CERT1: variants seen among roughly 807,000 people sequenced by gnomAD.
CERT1 encodes the protein ceramide transfer protein.
In CERT1, 31 loss-of-function variants were observed where a neutral mutation model predicts 87.9. The ratio of observed to expected loss-of-function variants is 0.35; its 90% CI spans 0.27 to 0.48. The LOEUF is 0.48. Ranked by LOEUF, CERT1 falls within the 20% of genes least tolerant of loss-of-function variation. The probability of loss-of-function intolerance (pLI) is 0.99; values close to 1 mark genes in which losing one functional copy is unlikely to be tolerated. For synonymous variants in CERT1, 289 were observed against 250.9 expected (o/e 1.15, Z -1.44); for missense variants, 487 against 758.0 (o/e 0.64, Z 4.20).
At chr5:75,508,278 T>C (rs894677932) in intron 1 of CERT1, among the ~76,000 whole-genome samples, 2 of 129,440 alleles carry the variant, frequency 1.5e-5, no homozygotes, top group Non-Finnish European at 3.5e-5. Context: ...TCTCTTAGAG[T>C]TAAGTTTAAA....
intron 2 of CERT1, among the ~76,000 whole-genome samples, chr5:75,486,377 C>A (rs1744477075): frequency 6.6e-6 from 1 of 152,020 alleles, no homozygotes; most frequent in African/African-American, 2.4e-5. Context: ...ACAACAGACC[C>A]ATGGCCTGTA....
At chr5:75,370,952 CAAA>C (rs373729532) in intron 17 of CERT1, 59 of 97,234 alleles carry the variant, frequency 6.1e-4, no homozygotes, top group East Asian at 1.1e-3. Context: ...ACTCTGTCTC[CAAA>C]AAAAAAAAAA....
At chr5:75,396,194 T>A (rs902350289) in intron 11 of CERT1, among the ~76,000 whole-genome samples, 1 of 152,212 alleles carries the variant, frequency 6.6e-6, no homozygotes, top group Non-Finnish European at 1.5e-5. Context: ...GGCTTCTGTA[T>A]GGGAGCTGAT....
chr5:75,387,422 T>A (rs1761837360), intron 12 of CERT1, among the ~76,000 whole-genome samples: 1 of 152,046 alleles, frequency 6.6e-6, no homozygotes, highest in Admixed American at 6.6e-5. Flanking sequence ...TCCAGTTTCT[T>A]CCCTATCAGC....
At position 75,385,956 on chromosome 5, in the gene CERT1, C is replaced by T; in HGVS notation, c.1363G>A (p.Gly455Arg). Residue 455 changes from glycine (G) to arginine (R), a missense_variant, in exon 13 of 17, where the codon GGA becomes AGA. Gly to Arg is a moderately radical substitution (Grantham distance 125). This residue lies in a region of CERT1 where 147 missense variants were observed against 200.8 expected (regional missense o/e 0.73). Transcript: ENST00000643780. Reference protein sequence around the residue: ...KATHAVKGVTGHEVCNYFWNV... With the variant: ...KATHAVKGVTRHEVCNYFWNV... ...CAGAAATAATTGCAGACTTCATGTCCTGTGACGCCTTTAACTGCATGGGTA... is the reference window on the plus strand; with the variant it reads ...CAGAAATAATTGCAGACTTCATGTCTTGTGACGCCTTTAACTGCATGGGTA... The T allele has an allele frequency of 1.9e-6, 3 of 1,594,126 alleles. No homozygotes were observed. Among genetic ancestry groups the T allele is most frequent in the Non-Finnish European group, 2.6e-6 (3 of 1,170,138 alleles).
rs554029691 is a variant in CERT1, at chr5:75,382,870, G to A, written c.1489-793C>T. On this transcript the variant is annotated intron_variant, in intron 14 of 16. Coordinates refer to ENST00000643780, the MANE Select transcript of CERT1 (RefSeq NM_001379029.1). ...AATATAGTGTTGGGTAAATTGTGTG[G>A]AGACAGTAAGTAATACATGAAGATT... 2.4e-4 allele frequency among the ~76,000 whole-genome samples: 37 copies of A among 151,900 alleles called. No homozygotes were observed. In the South Asian group the frequency reaches 2.7e-3, roughly 11 times the overall value.
At chr5:75,475,154 C>T (rs1225414775) in intron 2 of CERT1, among the ~76,000 whole-genome samples, 1 of 152,080 alleles carries the variant, frequency 6.6e-6, no homozygotes, top group African/African-American at 2.4e-5. Context: ...TACGATGCTT[C>T]TAAGAGATTT....
chr5:75,503,104 AT>A (rs1327804246), intron 2 of CERT1, among the ~76,000 whole-genome samples: 1 of 152,036 alleles, frequency 6.6e-6, no homozygotes, highest in African/African-American at 2.4e-5. Flanking sequence ...CAGATAAAGA[AT>A]ATTGTTTTTA....
rs1761572896 is a variant in CERT1 at position 75,381,253 on chromosome 5, C to G, written c.1618-52G>C. ...GTAGATACCCAGTATTTTGTAAACT[C>G]TGCTGGTCTAATATTATATTAGGTT... On this transcript the variant is annotated intron_variant, in intron 15 of 16. Transcript: ENST00000643780. 4 of 1,605,394 alleles carry G rather than the reference C, an allele frequency of 2.5e-6. No homozygotes were observed. The Admixed American group carries it at 5.0e-5, about 20-fold the overall frequency.
chr5:75,421,467 T>C (rs1763376095), intron 5 of CERT1, among the ~76,000 whole-genome samples: 1 of 152,238 alleles, frequency 6.6e-6, no homozygotes, highest in African/African-American at 2.4e-5. Context: ...TCTACCTGGC[T>C]GTGATCTCAA....
At chr5:75,488,528 ATTTTAAG>A (rs963247553) in intron 2 of CERT1, among the ~76,000 whole-genome samples, 5 of 152,124 alleles carry the variant, frequency 3.3e-5, no homozygotes, top group Admixed American at 6.5e-5. Flanking sequence ...TAAACTGTAA[ATTTTAAG>A]TTTTAATTTT....
intron 17 of CERT1, chr5:75,372,563 A>G (rs2111947794): frequency 6.6e-6 from 1 of 152,334 alleles, no homozygotes; most frequent in African/African-American, 2.4e-5. Context: ...CATCATTTAC[A>G]GAAAGGTAAA....
chr5:75,491,815 G>T (rs148601372), intron 2 of CERT1, among the ~76,000 whole-genome samples: 1 of 152,072 alleles, frequency 6.6e-6, no homozygotes, highest in East Asian at 1.9e-4. Flanking sequence ...TTTGGGATGC[G>T]GCTTACCACA....
At chr5:75,467,097 T>C (rs1466059752) in intron 2 of CERT1, among the ~76,000 whole-genome samples, 1 of 152,134 alleles carries the variant, frequency 6.6e-6, no homozygotes, top group African/African-American at 2.4e-5. Context: ...ATGCCTAAAC[T>C]GTGGTACAGA....
intron 5 of CERT1, among the ~76,000 whole-genome samples, chr5:75,423,413 C>T (rs182660266): frequency 6.6e-6 from 1 of 151,532 alleles, no homozygotes; most frequent in African/African-American, 2.4e-5. Context: ...ATTAACGAAC[C>T]AAAACCTTTA....
intron 1 of CERT1, among the ~76,000 whole-genome samples, chr5:75,509,555 T>G (rs970910252): frequency 8.5e-5 from 13 of 152,176 alleles, no homozygotes; most frequent in African/African-American, 2.9e-4. Context: ...TCGAGATTGG[T>G]CTTCCATTTT....
chr5:75,400,324 G>C, intron 9 of CERT1, 27 bp from the exon 10 acceptor site: 1 of 1,524,030 alleles, frequency 6.6e-7, no homozygotes, highest in Middle Eastern at 1.7e-4. Context: ...TATTAAGATG[G>C]GAAGGTTTTA....
intron 2 of CERT1, among the ~76,000 whole-genome samples, chr5:75,496,114 A>G (rs1291803206): frequency 6.6e-6 from 1 of 152,070 alleles, no homozygotes; most frequent in Non-Finnish European, 1.5e-5. Context: ...GAATATATAT[A>G]AAGAATTCTC....
chr5:75,383,795 C>T (rs1237919919), intron 14 of CERT1, among the ~76,000 whole-genome samples: 1 of 152,100 alleles, frequency 6.6e-6, no homozygotes, highest in Non-Finnish European at 1.5e-5. Context: ...ATGTTTAATA[C>T]TGTTTTTGGT....
Sources: allele counts gnomAD v4.1 joint callset (sites outside exome capture counted in the v4.1 genomes callset), GRCh38; gene constraint gnomAD v4.1.1; regional missense constraint gnomAD v4.1.1; transcripts MANE v1.5; gene names NCBI Gene and HGNC (gene_info 2026-07-23, HGNC 2026-07-21).